Variants in SDK1 observed in about 807,000 individuals in gnomAD.
SDK1 encodes the protein sidekick cell adhesion molecule 1.
In SDK1, 157 loss-of-function variants were observed where a neutral mutation model predicts 245.5. The observed-to-expected ratio is 0.64, with a 90% CI of 0.56 to 0.73. The LOEUF is 0.73. Among genes scored for constraint, SDK1 ranks in the 30% least tolerant of loss-of-function variants. The pLI, the probability that SDK1 is intolerant of heterozygous loss-of-function variation, is 0.00. For missense variants in SDK1, 3,583 were observed against 3,002.3 expected, an observed-to-expected ratio of 1.19 and a Z score of -4.52; for synonymous variants, 1,647 against 1,278.5, an observed-to-expected ratio of 1.29 and a Z score of -6.15.
At chr7:3,906,404 G>A (rs779236205) in intron 5 of SDK1, among the ~76,000 whole-genome samples, 4 of 150,506 alleles carry the variant, frequency 2.7e-5, no homozygotes, top group Non-Finnish European at 3.0e-5. Context: ...GTGTGTGAGA[G>A]AGAGAGAGAG....
rs182645189 is a variant in SDK1 at position 4,060,025 on chromosome 7, G to A, written c.2912-7813G>A. On this transcript the variant is annotated intron_variant, in intron 19 of 44. Coordinates refer to ENST00000404826, the MANE Select transcript of SDK1 (RefSeq NM_152744.4). ...CTCCTCAGTAGCTGGGATTACAGGC[G>A]CCCACCACCACACCTAGCTAACTTT... is the stretch of plus-strand genomic sequence containing the variant. Among the ~76,000 whole-genome samples, 414 of 151,962 alleles carry A rather than the reference G, an allele frequency of 2.7e-3. 7 individuals carry two copies. The highest frequency in any genetic ancestry group is 9.6e-3 in the African/African-American group (397 of 41,446).
intron 4 of SDK1, among the ~76,000 whole-genome samples, chr7:3,765,687 T>C (rs1175196896): frequency 6.6e-6 from 1 of 152,226 alleles, no homozygotes; most frequent in African/African-American, 2.4e-5. Flanking sequence ...TAGTCAGCCA[T>C]CAGAATTTAC....
chr7:4,025,577 C>A (rs1471914828), intron 17 of SDK1, among the ~76,000 whole-genome samples: 1 of 152,208 alleles, frequency 6.6e-6, no homozygotes, highest in African/African-American at 2.4e-5. Context: ...ATTCGCAGGC[C>A]TGTCTTTCCT....
chr7:3,971,825 G>C (rs1331970151), intron 12 of SDK1, among the ~76,000 whole-genome samples: 1 of 152,082 alleles, frequency 6.6e-6, no homozygotes, highest in Non-Finnish European at 1.5e-5. Flanking sequence ...TCCTGCCAAG[G>C]TTAATACACT....
At chr7:4,238,198 G>A (rs1171341113) in intron 42 of SDK1, among the ~76,000 whole-genome samples, 59 of 152,090 alleles carry the variant, frequency 3.9e-4, no homozygotes, top group Non-Finnish European at 2.9e-5. Context: ...TCCTGCCTCA[G>A]CCTCCTGAGT....
At position 3,757,810 on chromosome 7, in the gene SDK1, G is replaced by A. The variant is rs552397778; in HGVS notation, c.714-63640G>A. ...CTAGGTGATTGAACTCAACCTTCAGGCCCCCTCCCCTCCCAGGAGACTGGG... is the reference window on the plus strand; with the variant it reads ...CTAGGTGATTGAACTCAACCTTCAGACCCCCTCCCCTCCCAGGAGACTGGG... On this transcript the variant is annotated intron_variant, in intron 4 of 44. Transcript: ENST00000404826. Among the ~76,000 whole-genome samples the A allele has an allele frequency of 1.5e-3, 235 of 152,102 alleles. 1 individual carries two copies. The highest frequency in any genetic ancestry group is 5.4e-3 in the African/African-American group (226 of 41,488).
chr7:4,091,795 G>C (rs13232652), intron 22 of SDK1, among the ~76,000 whole-genome samples: 43,664 of 151,876 alleles, frequency 0.29, 7,846 homozygotes, highest in African/African-American at 0.51. Context: ...TACATCACCA[G>C]CCAACACCTT....
At position 4,233,276 on chromosome 7, in the gene SDK1, T is replaced by A. The variant is rs1279678700; in HGVS notation, c.5849T>A (p.Phe1950Tyr). The change falls in exon 41 of 45, where the codon TTT (phenylalanine) becomes TAT (tyrosine). Residue 1950 changes from phenylalanine to tyrosine, a missense_variant. Transcript: ENST00000404826. ...RPSDEGLWDM[F>Y]VKDIPRSATS... ...GCAGATGAAGGCTTATGGGACATGT[T>A]TGTGAAGGACATCCCGCGGAGCGCC... is the stretch of plus-strand genomic sequence containing the variant. 6.2e-7 allele frequency: 1 copy of A among 1,613,772 alleles called. No individual in the cohort carries two copies. The highest frequency in any genetic ancestry group is 1.7e-5 in the Admixed American group (1 of 60,014).
intron 5 of SDK1, among the ~76,000 whole-genome samples, chr7:3,909,650 A>G (rs1779090652): frequency 6.6e-6 from 1 of 152,222 alleles, no homozygotes; most frequent in African/African-American, 2.4e-5. Context: ...GCTCTCCAGT[A>G]TGAGGCTGTA....
At chr7:3,865,747 TCAAGCC>T (rs1780805630) in intron 5 of SDK1, among the ~76,000 whole-genome samples, 1 of 151,852 alleles carries the variant, frequency 6.6e-6, no homozygotes, top group Admixed American at 6.6e-5. Context: ...ACTCCTGGCC[TCAAGCC>T]TCCCAAAACG....
intron 1 of SDK1, among the ~76,000 whole-genome samples, chr7:3,494,753 T>C (rs1781971674): frequency 6.6e-6 from 1 of 152,232 alleles, no homozygotes; most frequent in South Asian, 2.1e-4. Flanking sequence ...CAAATGTTTG[T>C]TAAGTTTTGG....
chr7:3,917,412 G>C (rs1779421899), intron 5 of SDK1, among the ~76,000 whole-genome samples: 2 of 152,174 alleles, frequency 1.3e-5, no homozygotes, highest in South Asian at 2.1e-4. Flanking sequence ...ATTGCATCCA[G>C]GGTACAGAAA....
intron 5 of SDK1, among the ~76,000 whole-genome samples, chr7:3,866,039 G>T (rs1228458466): frequency 6.6e-6 from 1 of 152,214 alleles, no homozygotes; most frequent in East Asian, 1.9e-4. Flanking sequence ...GAAAGGAAAA[G>T]GAGGCAGAGT....
intron 5 of SDK1, among the ~76,000 whole-genome samples, chr7:3,855,132 T>G (rs1372675961): frequency 3.9e-5 from 6 of 151,990 alleles, no homozygotes; most frequent in African/African-American, 1.4e-4. Flanking sequence ...GAAGAGCCCT[T>G]CACTCCCAGA....
chr7:3,874,412 A>T lies in SDK1; in HGVS notation c.847+52829A>T, dbSNP rs939946364. 4.6e-5 allele frequency among the ~76,000 whole-genome samples: 7 copies of T among 152,212 alleles called. No individual in the cohort carries two copies. In the South Asian group the frequency reaches 6.3e-4, roughly 14 times the overall value. ...TTGCTTAGTGCTTTTGAGTGTGTGC[A>T]GGTCATGTGTGTGCAGGGATTGAGG... On this transcript the variant is annotated intron_variant, in intron 5 of 44. Transcript: ENST00000404826.
At chr7:4,245,384 G>A (rs1163310766) in intron 43 of SDK1, among the ~76,000 whole-genome samples, 1 of 152,036 alleles carries the variant, frequency 6.6e-6, no homozygotes, top group Non-Finnish European at 1.5e-5. Flanking sequence ...CCGACCTCAG[G>A]GTGCTGTTTG....
intron 5 of SDK1, among the ~76,000 whole-genome samples, chr7:3,921,103 T>C (rs1779570244): frequency 6.6e-6 from 1 of 152,164 alleles, no homozygotes; most frequent in Non-Finnish European, 1.5e-5. Flanking sequence ...GTAGAAAAAT[T>C]AGAAAATACA....
At chr7:3,608,968 A>T (rs768504172) in intron 1 of SDK1, among the ~76,000 whole-genome samples, 8 of 152,202 alleles carry the variant, frequency 5.3e-5, no homozygotes, top group Non-Finnish European at 5.9e-5. Context: ...CAAGAGACTA[A>T]ATGCAGAAGC....
chr7:3,802,439 G>A (rs145192661), intron 4 of SDK1, among the ~76,000 whole-genome samples: 42 of 152,212 alleles, frequency 2.8e-4, no homozygotes, highest in African/African-American at 9.6e-4. Flanking sequence ...GCAGGCTGAG[G>A]TGGGAGGATC....
Sources: gnomAD v4.1 joint callset for allele counts (sites outside exome capture counted in the v4.1 genomes callset) on GRCh38, gnomAD v4.1.1 for gene constraint, MANE v1.5 for transcripts, NCBI Gene and HGNC (gene_info 2026-07-23, HGNC 2026-07-21) for gene names.